Variants in FOXJ3 observed in about 807,000 individuals in gnomAD.
FOXJ3 encodes the protein forkhead box J3, also known as forkhead box protein J3.
Under a neutral mutation model 76.1 loss-of-function variants are expected in FOXJ3, and 22 were observed. The observed-to-expected ratio is 0.29, with a 90% confidence interval of 0.21 to 0.41. FOXJ3 has a LOEUF of 0.41. Ranked by LOEUF, FOXJ3 falls within the 10% of genes least tolerant of loss-of-function variation. FOXJ3 has a pLI of 1.00. For missense variants in FOXJ3, 613 were observed against 762.1 expected (o/e 0.80, Z 2.30); for synonymous variants, 269 against 261.2 (o/e 1.03, Z -0.29).
chr1:42,283,898 T>C (rs1570153280), intron 2 of FOXJ3, among the ~76,000 whole-genome samples: 1 of 152,310 alleles, frequency 6.6e-6, no homozygotes, highest in Middle Eastern at 3.4e-3. Flanking sequence ...CAGGATGGTA[T>C]TGCACCTTTT....
chr1:42,219,970 TGG>T (rs879477530), intron 5 of FOXJ3, among the ~76,000 whole-genome samples: 499 of 152,340 alleles, frequency 3.3e-3, no homozygotes, highest in Middle Eastern at 6.8e-3. Flanking sequence ...TTTCTACCAC[TGG>T]CAACACCCCT....
At chr1:42,198,243 T>C (rs1208390282) in intron 7 of FOXJ3, among the ~76,000 whole-genome samples, 1 of 152,212 alleles carries the variant, frequency 6.6e-6, no homozygotes, top group Non-Finnish European at 1.5e-5. Flanking sequence ...TGTGGGATAA[T>C]ACTTTATTTT....
intron 6 of FOXJ3, among the ~76,000 whole-genome samples, chr1:42,201,089 A>AAACTATCTGTGGCTAGC (rs140799143): frequency 1.3e-5 from 2 of 151,944 alleles, no homozygotes; most frequent in Admixed American, 6.5e-5. Context: ...TTTTATTTTC[A>AAACTATCTGTGGCTAGC]AGGCAGAAAT....
chr1:42,186,529 C>T, intron 11 of FOXJ3, among the ~76,000 whole-genome samples: 1 of 152,110 alleles, frequency 6.6e-6, no homozygotes, highest in East Asian at 1.9e-4. Context: ...AAAGAGATGA[C>T]AGAAAAAATT....
intron 2 of FOXJ3, among the ~76,000 whole-genome samples, chr1:42,281,317 G>A (rs920388718): frequency 2.6e-5 from 4 of 152,134 alleles, no homozygotes. Context: ...AGCTGTGGGT[G>A]CTATGAAGGT....
intron 4 of FOXJ3, among the ~76,000 whole-genome samples, chr1:42,253,792 C>T (rs1650324529): frequency 1.3e-5 from 2 of 151,942 alleles, no homozygotes; most frequent in South Asian, 4.1e-4. Flanking sequence ...CCCTTCCTTA[C>T]ACCTTATACA....
intron 2 of FOXJ3, among the ~76,000 whole-genome samples, chr1:42,303,490 T>C (rs1159309928): frequency 6.6e-6 from 1 of 152,174 alleles, no homozygotes; most frequent in Non-Finnish European, 1.5e-5. Flanking sequence ...TAAATCTGCC[T>C]CCTTCTGGTA....
intron 3 of FOXJ3, among the ~76,000 whole-genome samples, chr1:42,268,036 C>T (rs1392241525): frequency 6.6e-6 from 1 of 151,694 alleles, no homozygotes; most frequent in East Asian, 1.9e-4. Flanking sequence ...AGGAATGGGG[C>T]AGAGGGAAAA....
chr1:42,286,934 A>G (rs1435866113), intron 2 of FOXJ3, among the ~76,000 whole-genome samples: 1 of 150,842 alleles, frequency 6.6e-6, no homozygotes, highest in African/African-American at 2.4e-5. Flanking sequence ...ACGCCCAGCC[A>G]AGTCCTGGTA....
chr1:42,331,286 G>A (rs1208425662), intron 1 of FOXJ3, among the ~76,000 whole-genome samples: 1 of 152,118 alleles, frequency 6.6e-6, no homozygotes, highest in African/African-American at 2.4e-5. Flanking sequence ...GGAGGGTGAG[G>A]TGGGAGAATC....
chr1:42,260,612 C>A (rs1248316428), intron 4 of FOXJ3, among the ~76,000 whole-genome samples: 1 of 152,062 alleles, frequency 6.6e-6, no homozygotes, highest in Non-Finnish European at 1.5e-5. Context: ...ATCACCTGAG[C>A]CCAGTAGGCT....
chr1:42,194,833 T>C (rs756993749), intron 8 of FOXJ3, 57 bp downstream of exon 8: 7 of 1,128,286 alleles, frequency 6.2e-6, no homozygotes, highest in Non-Finnish European at 7.6e-6. Context: ...TGTGAAATAA[T>C]TTAAAAACCT....
At chr1:42,327,725 T>C (rs1655920791) in intron 1 of FOXJ3, among the ~76,000 whole-genome samples, 1 of 152,100 alleles carries the variant, frequency 6.6e-6, no homozygotes, top group Admixed American at 6.5e-5. Context: ...TTTACAAGGT[T>C]TTTAATAAGG....
intron 2 of FOXJ3, 105 bp from the exon 3 acceptor site, chr1:42,278,777 A>AT (rs1230835200): frequency 1.3e-6 from 1 of 776,048 alleles, no homozygotes; most frequent in African/African-American, 1.7e-5. Context: ...GGAAAGCCTG[A>AT]GTTACATCTG....
intron 2 of FOXJ3, among the ~76,000 whole-genome samples, chr1:42,287,884 G>A (rs1653162884): frequency 6.6e-6 from 1 of 151,998 alleles, no homozygotes; most frequent in African/African-American, 2.4e-5. Context: ...AGGATCACCT[G>A]AGCCCAGGGA....
chr1:42,257,638 G>A (rs1423062507), intron 4 of FOXJ3, among the ~76,000 whole-genome samples: 2 of 151,746 alleles, frequency 1.3e-5, no homozygotes, highest in Admixed American at 1.3e-4. Flanking sequence ...ACAGGGGAGG[G>A]TGAGGCAGGA....
At chr1:42,255,428 A>C (rs1389704234) in intron 4 of FOXJ3, among the ~76,000 whole-genome samples, 1 of 152,224 alleles carries the variant, frequency 6.6e-6, no homozygotes, top group Non-Finnish European at 1.5e-5. Flanking sequence ...TATCTGATTA[A>C]CCCCAAAGGT....
chr1:42,328,937 G>C (rs1439682260), intron 1 of FOXJ3, among the ~76,000 whole-genome samples: 6 of 152,018 alleles, frequency 3.9e-5, no homozygotes, highest in Non-Finnish European at 8.8e-5. Flanking sequence ...AAGATGCTAG[G>C]TTTACAGGCG....
At position 42,316,254 on chromosome 1, in the gene FOXJ3, G is replaced by C. The variant is rs540346790; in HGVS notation, c.-17-5144C>G. Among the ~76,000 whole-genome samples, 23 of 149,512 alleles carry C rather than the reference G, an allele frequency of 1.5e-4. No individual in the cohort carries two copies. The East Asian group carries it at 4.6e-3, about 30-fold the overall frequency. ...CCAGATGATAGCTCACTGCAGCCTC[G>C]AACTTCTGAGCTCAAGCAAACCTCT... On this transcript the variant is annotated intron_variant, in intron 1 of 12. Transcript: ENST00000361346.
Sources: gnomAD v4.1 joint callset for allele counts (sites outside exome capture counted in the v4.1 genomes callset) on GRCh38, gnomAD v4.1.1 for gene constraint, MANE v1.5 for transcripts, NCBI Gene and HGNC (gene_info 2026-07-23, HGNC 2026-07-21) for gene names.